The following WDR59 variants were observed in gnomAD, a reference collection of about 807,000 sequenced individuals.
WDR59 encodes WD repeat domain 59, also known as GATOR2 complex protein WDR59.
A neutral mutation model predicts 131.2 loss-of-function variants in WDR59; 100 were observed. That is an observed-to-expected ratio of 0.76 (90% CI 0.65 to 0.90). The LOEUF is 0.90. WDR59 is among the 40% of genes least tolerant of loss of function. The probability of loss-of-function intolerance (pLI) is 0.00; values close to 1 mark genes in which losing one functional copy is unlikely to be tolerated. For missense variants in WDR59, 1,203 were observed against 1,262.2 expected, an observed-to-expected ratio of 0.95 and a Z score of 0.71; for synonymous variants, 601 against 466.2, an observed-to-expected ratio of 1.29 and a Z score of -3.72.
At chr16:74,886,982 T>G (rs1279859479) in intron 23 of WDR59, among the ~76,000 whole-genome samples, 1 of 152,160 alleles carries the variant, frequency 6.6e-6, no homozygotes, top group Non-Finnish European at 1.5e-5. Flanking sequence ...AGTAGAACAT[T>G]ACATAGTCAT....
In WDR59 at chr16:74,893,845, G is replaced by A. The variant is rs1014764021; in HGVS notation, c.1867-33C>T. The A allele has an allele frequency of 8.7e-6, 14 of 1,607,766 alleles. No individual in the cohort carries two copies. The African/African-American group carries it at 1.7e-4, about 20-fold the overall frequency. ...TAGATGACAGGATGTAACTAATGGGGACTTTGACAAGTGGAAACCAACAAT... is the reference window on the plus strand; with the variant it reads ...TAGATGACAGGATGTAACTAATGGGAACTTTGACAAGTGGAAACCAACAAT... On this transcript the variant is annotated intron_variant, in intron 18 of 25. Coordinates refer to ENST00000262144, the MANE Select transcript of WDR59 (RefSeq NM_030581.4).
chr16:74,948,484 G>A, intron 6 of WDR59, 35 bp downstream of exon 6: 1 of 1,602,652 alleles, frequency 6.2e-7, no homozygotes, highest in South Asian at 1.1e-5. Flanking sequence ...GACAAACCAA[G>A]GCGCCAGGGT....
At position 74,895,348 on chromosome 16, in the gene WDR59, C is replaced by T. The variant is rs981294495; in HGVS notation, c.1867-1536G>A. Among the ~76,000 whole-genome samples, 9 of 152,132 alleles carry T rather than the reference C, an allele frequency of 5.9e-5. No homozygotes were observed. In the South Asian group the frequency reaches 1.2e-3, roughly 21 times the overall value. ...TGTGATCTTGGCTCACTGAAATCTC[C>T]GCCTCCGGGGTTCAAGTGATTCTCC... On this transcript the variant is annotated intron_variant, in intron 18 of 25. Coordinates refer to ENST00000262144, the MANE Select transcript of WDR59 (RefSeq NM_030581.4).
rs149618589 is a variant in WDR59 at position 74,942,269 on chromosome 16, C to T, written c.534+469G>A. Among the ~76,000 whole-genome samples the T allele has an allele frequency of 5.5e-3, 834 of 152,250 alleles. 8 individuals carry two copies. The highest frequency in any genetic ancestry group is 0.019 in the African/African-American group (784 of 41,544). On this transcript the variant is annotated intron_variant, in intron 7 of 25. Coordinates refer to ENST00000262144, the MANE Select transcript of WDR59 (RefSeq NM_030581.4). ...TAAGAGTAAATGTAAGCATCATGAG[C>T]ACCCTACCTTGCTCATCGTTATTGG...
chr16:74,930,054 G>C (rs1346505128), intron 8 of WDR59, among the ~76,000 whole-genome samples: 2 of 152,210 alleles, frequency 1.3e-5, no homozygotes, highest in African/African-American at 2.4e-5. Context: ...GGGTAGAGCG[G>C]GGGGAGCCAG....
intron 8 of WDR59, 103 bp downstream of exon 8, chr16:74,938,047 C>T (rs1384422674): frequency 2.7e-6 from 2 of 750,368 alleles, no homozygotes; most frequent in South Asian, 3.1e-5. Context: ...CCGTGAAATA[C>T]ATACTGTGCT....
chr16:74,912,439 G>A (rs1350424905), intron 13 of WDR59, 77 bp from the exon 14 acceptor site: 33 of 1,454,214 alleles, frequency 2.3e-5, no homozygotes, highest in South Asian at 2.6e-5. Flanking sequence ...TTAACTGAAC[G>A]CTCCATGTTC....
At chr16:74,924,056 T>C in intron 8 of WDR59, 53 bp from the exon 9 acceptor site, 2 of 1,558,256 alleles carry the variant, frequency 1.3e-6, no homozygotes, top group Non-Finnish European at 1.8e-6. Flanking sequence ...TAAAAAATTC[T>C]ACTGAAATAA....
intron 1 of WDR59, among the ~76,000 whole-genome samples, chr16:74,976,981 G>A (rs777637213): frequency 2.0e-5 from 3 of 151,948 alleles, no homozygotes; most frequent in South Asian, 2.1e-4. Flanking sequence ...CAGCCTGGGC[G>A]ACATTGCGAG....
At chr16:74,950,328 AAAAC>A (rs377750138) in intron 4 of WDR59, among the ~76,000 whole-genome samples, 4,112 of 152,190 alleles carry the variant, frequency 0.027, 174 homozygotes, top group African/African-American at 0.092. Flanking sequence ...ACTCCATCTC[AAAAC>A]AAACAAACAA....
At chr16:74,953,995 C>A (rs1444726425) in intron 3 of WDR59, among the ~76,000 whole-genome samples, 3 of 131,118 alleles carry the variant, frequency 2.3e-5, no homozygotes, top group African/African-American at 5.6e-5. Flanking sequence ...GAGCGAGACT[C>A]CGTCTCAAAA....
chr16:74,919,057 G>C (rs2029889635), intron 10 of WDR59, among the ~76,000 whole-genome samples: 1 of 152,068 alleles, frequency 6.6e-6, no homozygotes, highest in Admixed American at 6.6e-5. Context: ...TGACGAAAAG[G>C]TATGCCTAAT....
In WDR59 at chr16:74,923,954, T is replaced by C; in HGVS notation, c.701A>G (p.Gln234Arg). Residue 234 changes from glutamine to arginine, a missense_variant, in exon 9 of 26, where the codon CAG becomes CGG. Physicochemically the swap from Gln to Arg is conservative, Grantham distance 43. Coordinates refer to ENST00000262144, the MANE Select transcript of WDR59 (RefSeq NM_030581.4). ...PRKYLNILPC[Q>R]VPVWKARYTP... ...GTATCTGGCCTTCCAGACAGGCACC[T>C]GGCAAGGAAGAATATTGAGGTATTT... is the stretch of plus-strand genomic sequence containing the variant. 4 of 1,613,774 alleles carry C rather than the reference T, an allele frequency of 2.5e-6. 1 individual carries two copies. In the South Asian group the frequency reaches 3.3e-5, roughly 13 times the overall value.
rs150905654 is a variant in WDR59 at position 74,941,943 on chromosome 16, A to G, written c.534+795T>C. On this transcript the variant is annotated intron_variant, in intron 7 of 25. Coordinates refer to ENST00000262144, the MANE Select transcript of WDR59 (RefSeq NM_030581.4). The stretch of plus-strand genomic sequence containing the variant: ...CATCCCTGAACAAGCCATCCCCACA[A>G]TGCCTGAGCATCTGTAGCCCCAGGT... Among the ~76,000 whole-genome samples the G allele has an allele frequency of 2.2e-4, 33 of 152,246 alleles. No individual in the cohort carries two copies. In the East Asian group the frequency reaches 5.2e-3, roughly 24 times the overall value.
rs749239077 is a variant in WDR59, at chr16:74,909,615, T to C, written c.1528A>G (p.Asn510Asp). Residue 510 changes from asparagine to aspartate, a missense_variant, in exon 16 of 26, where the codon AAC becomes GAC. Physicochemically the swap from Asn to Asp is conservative, Grantham distance 23 (BLOSUM62 1). Coordinates refer to ENST00000262144, the MANE Select transcript of WDR59 (RefSeq NM_030581.4). ...GTCGGTAAGGGGGGAGTGACAGAGT[T>C]GGGGAGTGCAAACGGGTTGCTGGAA... ...SASSNPFALPNSVTPPLPTFA... is the reference protein window; with the variant it reads ...SASSNPFALPDSVTPPLPTFA... The C allele has an allele frequency of 6.2e-7, 1 of 1,602,896 alleles. No homozygotes were observed. The highest frequency in any genetic ancestry group is 1.3e-5 in the African/African-American group (1 of 74,160).
At chr16:74,907,794 C>T (rs913249929) in intron 17 of WDR59, among the ~76,000 whole-genome samples, 10 of 152,116 alleles carry the variant, frequency 6.6e-5, no homozygotes, top group Admixed American at 3.9e-4. Flanking sequence ...TTCCAATGTA[C>T]CAGGTGGTGT....
At chr16:74,936,294 T>C (rs2031793632) in intron 8 of WDR59, among the ~76,000 whole-genome samples, 1 of 152,066 alleles carries the variant, frequency 6.6e-6, no homozygotes, top group African/African-American at 2.4e-5. Flanking sequence ...TATTTCTTTA[T>C]ATTTCTCTTT....
chr16:74,966,278 A>T (rs2033771280), intron 1 of WDR59, among the ~76,000 whole-genome samples: 1 of 152,042 alleles, frequency 6.6e-6, no homozygotes, highest in African/African-American at 2.4e-5. Context: ...TCAGGAGTTC[A>T]AGACCAGCTT....
chr16:74,984,841 G>A (rs537452656), intron 1 of WDR59, 123 bp downstream of exon 1: 6 of 1,419,214 alleles, frequency 4.2e-6, no homozygotes, highest in African/African-American at 2.8e-5. Flanking sequence ...GCTAAGCCCC[G>A]CCCACCTCCT....
Sources: gnomAD v4.1 joint callset for allele counts (sites outside exome capture counted in the v4.1 genomes callset) on GRCh38, gnomAD v4.1.1 for gene constraint, MANE v1.5 for transcripts, NCBI Gene and HGNC (gene_info 2026-07-23, HGNC 2026-07-21) for gene names.